Variants in EDA observed in about 807,000 individuals in gnomAD.
The protein encoded by EDA is ectodysplasin-A.
Under a neutral mutation model 23.6 loss-of-function variants are expected in EDA, and 2 were observed. That is an observed-to-expected ratio of 0.08 (90% CI 0.03 to 0.27). The LOEUF is 0.27. Ranked by LOEUF, EDA falls within the 10% of genes least tolerant of loss-of-function variation. The pLI is 1.00. For missense variants in EDA, 229 were observed against 324.2 expected, an observed-to-expected ratio of 0.71 and a Z score of 2.26; for synonymous variants, 131 against 132.0, an observed-to-expected ratio of 0.99 and a Z score of 0.05.
chrX:69,765,347 G>T (rs1298457654), intron 1 of EDA, among the ~76,000 whole-genome samples: 1 of 112,312 alleles, frequency 8.9e-6, no homozygotes, highest in Admixed American at 9.4e-5. Flanking sequence ...TCATTCTCTA[G>T]TGGTGAGTAA....
rs73541183 is a variant in EDA, at chrX:69,796,077, A to G, written c.397-160950A>G. Among the ~76,000 whole-genome samples the G allele has an allele frequency of 4.6e-3, 520 of 111,918 alleles. 2 individuals are homozygous for G. The highest frequency in any genetic ancestry group is 0.016 in the African/African-American group (487 of 30,764). The stretch of plus-strand genomic sequence containing the variant: ...GCACCTTCCACCTGTGGGTCTGAAG[A>G]CTGGCTCAGCCAGCTCATCATAGCC... On this transcript the variant is annotated intron_variant, in intron 1 of 7. Coordinates refer to ENST00000374552, the MANE Select transcript of EDA (RefSeq NM_001399.5).
At position 69,820,509 on chromosome X, in the gene EDA, G is replaced by A. The variant is rs1344465754; in HGVS notation, c.397-136518G>A. Among the ~76,000 whole-genome samples the A allele has an allele frequency of 3.6e-5, 4 of 111,531 alleles. No homozygotes were observed. In the East Asian group the frequency reaches 1.1e-3, roughly 32 times the overall value. On this transcript the variant is annotated intron_variant, in intron 1 of 7. Coordinates refer to ENST00000374552, the MANE Select transcript of EDA (RefSeq NM_001399.5). The stretch of plus-strand genomic sequence containing the variant: ...CAATGTATCCATCTGACAAAGCTCT[G>A]ATATCCAGCATCTATAAGGAATTTA...
At chrX:69,938,762 T>C (rs947667687) in intron 1 of EDA, among the ~76,000 whole-genome samples, 1 of 112,313 alleles carries the variant, frequency 8.9e-6, no homozygotes, top group African/African-American at 3.2e-5. Flanking sequence ...TCCATTTTAA[T>C]TTTATCTTTG....
chrX:69,822,192 G>A (rs1337871581), intron 1 of EDA, among the ~76,000 whole-genome samples: 2 of 110,829 alleles, frequency 1.8e-5, no homozygotes, highest in African/African-American at 6.6e-5. Flanking sequence ...AGCAGATGCA[G>A]GAGGATGACT....
chrX:69,708,779 C>A (rs1028930031), intron 1 of EDA, among the ~76,000 whole-genome samples: 3 of 110,287 alleles, frequency 2.7e-5, no homozygotes, highest in African/African-American at 9.9e-5. Context: ...AAAAATAGAT[C>A]TATAATATAT....
intron 1 of EDA, among the ~76,000 whole-genome samples, chrX:69,949,530 C>G (rs190803226): frequency 9.0e-6 from 1 of 111,635 alleles, no homozygotes; most frequent in Non-Finnish European, 1.9e-5. Context: ...CTGATGTACA[C>G]TGAAGTTTGA....
At chrX:69,665,729 T>A (rs1933660667) in intron 1 of EDA, among the ~76,000 whole-genome samples, 1 of 111,625 alleles carries the variant, frequency 9.0e-6, no homozygotes, top group East Asian at 2.8e-4. Flanking sequence ...ATAAATTATA[T>A]AATATAATCA....
intron 1 of EDA, among the ~76,000 whole-genome samples, chrX:69,688,316 G>A (rs185979125): frequency 8.9e-6 from 1 of 111,902 alleles, no homozygotes; most frequent in East Asian, 2.8e-4. Context: ...GGTGATACTT[G>A]GACTGCCTTG....
At position 69,756,079 on chromosome X, in the gene EDA, G is replaced by A. The variant is rs183627694; in HGVS notation, c.396+139375G>A. Among the ~76,000 whole-genome samples, 5 of 112,342 alleles carry A rather than the reference G, an allele frequency of 4.5e-5. No homozygotes were observed. The East Asian group carries it at 1.4e-3, about 32-fold the overall frequency. On this transcript the variant is annotated intron_variant, in intron 1 of 7. Transcript: ENST00000374552. ...ACTGTCTGACAAGCCCCAGTGAGAT[G>A]AAGCGGGTACCTCAGTTGGAAATGC...
intron 1 of EDA, among the ~76,000 whole-genome samples, chrX:69,698,500 GAC>G (rs2011433273): frequency 8.9e-6 from 1 of 111,922 alleles, no homozygotes; most frequent in South Asian, 3.7e-4. Context: ...ACGAATAAAA[GAC>G]AGTGTCTGGA....
intron 1 of EDA, among the ~76,000 whole-genome samples, chrX:69,699,823 C>T (rs905040981): frequency 7.2e-5 from 8 of 110,409 alleles, no homozygotes; most frequent in Non-Finnish European, 1.3e-4. Flanking sequence ...GGTTTAAAGG[C>T]TCATGGAGAG....
At chrX:69,696,364 A>G (rs1316951882) in intron 1 of EDA, among the ~76,000 whole-genome samples, 2 of 111,997 alleles carry the variant, frequency 1.8e-5, no homozygotes, top group African/African-American at 6.5e-5. Flanking sequence ...AAACTTGTGA[A>G]TAATTTCCTT....
intron 1 of EDA, among the ~76,000 whole-genome samples, chrX:69,640,763 T>G (rs1047360922): frequency 1.8e-5 from 2 of 111,437 alleles, no homozygotes; most frequent in African/African-American, 3.3e-5. Flanking sequence ...ACAAAATATG[T>G]GTCACTGTGA....
chrX:70,008,299 C>G (rs1304707813), intron 2 of EDA, among the ~76,000 whole-genome samples: 13 of 112,221 alleles, frequency 1.2e-4, no homozygotes, highest in Non-Finnish European at 1.1e-4. Flanking sequence ...TAGATGTTCT[C>G]TATCAAATTG....
chrX:69,793,570 G>GTTTTTTTTTTTTTTTTTTTTTTTTTTT (rs67241807), intron 1 of EDA, among the ~76,000 whole-genome samples: 6 of 58,756 alleles, frequency 1.0e-4, no homozygotes, highest in Non-Finnish European at 1.5e-4. Flanking sequence ...GTTTGTTTTT[G>GTTTTTTTTTTTTTTTTTTTTTTTTTTT]TTTTTTTTTT....
chrX:69,891,250 T>A (rs748476081), intron 1 of EDA, among the ~76,000 whole-genome samples: 18 of 111,527 alleles, frequency 1.6e-4, no homozygotes, highest in Admixed American at 3.8e-4. Context: ...CTGGCAAGGT[T>A]GTGGAGAAAA....
intron 1 of EDA, among the ~76,000 whole-genome samples, chrX:69,739,064 T>G (rs756391667): frequency 1.8e-5 from 2 of 111,592 alleles, no homozygotes; most frequent in South Asian, 3.7e-4. Context: ...CTAGTTTTTC[T>G]ATTCATTACT....
At chrX:69,811,630 C>A (rs2015959775) in intron 1 of EDA, among the ~76,000 whole-genome samples, 1 of 111,715 alleles carries the variant, frequency 9.0e-6, no homozygotes, top group Non-Finnish European at 1.9e-5. Flanking sequence ...GGTTGCCCTG[C>A]AAGAGGGGAT....
intron 1 of EDA, among the ~76,000 whole-genome samples, chrX:69,866,420 C>G (rs2017486722): frequency 9.0e-6 from 1 of 111,295 alleles, no homozygotes; most frequent in Non-Finnish European, 1.9e-5. Flanking sequence ...ATCTTAACTT[C>G]CAGTTTAATG....
Sources: allele counts gnomAD v4.1 joint callset (sites outside exome capture counted in the v4.1 genomes callset), GRCh38; gene constraint gnomAD v4.1.1; transcripts MANE v1.5; gene names NCBI Gene and HGNC (gene_info 2026-07-23, HGNC 2026-07-21).